The following USP37 variants were observed in gnomAD, a reference collection of about 807,000 sequenced individuals.
USP37 encodes ubiquitin carboxyl-terminal hydrolase 37.
Under a neutral mutation model 124.0 loss-of-function variants are expected in USP37, and 27 were observed. That is an observed-to-expected ratio of 0.22 (90% CI 0.16 to 0.30). USP37 has a LOEUF of 0.30. USP37 is among the 10% of genes least tolerant of loss of function. The probability of loss-of-function intolerance (pLI) is 1.00; values close to 1 mark genes in which losing one functional copy is unlikely to be tolerated. For synonymous variants in USP37, 365 were observed against 388.0 expected, an observed-to-expected ratio of 0.94 and a Z score of 0.70; for missense variants, 889 against 1,140.4, an observed-to-expected ratio of 0.78 and a Z score of 3.17.
rs149991259 is a variant in USP37, at chr2:218,461,771, C to T, written c.2527+1535G>A. ...CTCTAATCCTAGGACTTTGGGAGGC[C>T]GAGGCGGGTGGGTGAACTGCCTGAG... is the stretch of plus-strand genomic sequence containing the variant. On this transcript the variant is annotated intron_variant, in intron 22 of 25. Transcript: ENST00000258399. Among the ~76,000 whole-genome samples the T allele has an allele frequency of 4.0e-3, 604 of 151,992 alleles. 4 individuals carry two copies. The highest frequency in any genetic ancestry group is 0.013 in the African/African-American group (555 of 41,464).
chr2:218,541,741 T>C (rs1240604934), intron 8 of USP37, among the ~76,000 whole-genome samples: 1 of 152,078 alleles, frequency 6.6e-6, no homozygotes, highest in Non-Finnish European at 1.5e-5. Flanking sequence ...GAAGAATCCA[T>C]GACAAAATGG....
intron 23 of USP37, 91 bp downstream of exon 23, chr2:218,459,699 C>T: frequency 2.9e-6 from 3 of 1,040,358 alleles, no homozygotes; most frequent in Admixed American, 2.2e-5. Flanking sequence ...AATGAACCTG[C>T]AGTGGACACT....
At chr2:218,466,972 C>G (rs552020777) in intron 20 of USP37, among the ~76,000 whole-genome samples, 18 of 152,278 alleles carry the variant, frequency 1.2e-4, no homozygotes, top group African/African-American at 4.3e-4. Flanking sequence ...CTCTGGTGAT[C>G]TGCCCGCCTT....
intron 14 of USP37, among the ~76,000 whole-genome samples, chr2:218,490,225 C>CG (rs1315141914): frequency 1.3e-5 from 2 of 152,092 alleles, no homozygotes; most frequent in African/African-American, 2.4e-5. Context: ...GTGGCAGGCA[C>CG]CTGTAGTCCG....
At chr2:218,458,253 TAAAAA>T (rs33911503) in intron 23 of USP37, among the ~76,000 whole-genome samples, 2 of 70,948 alleles carry the variant, frequency 2.8e-5, no homozygotes, top group South Asian at 1.5e-3. Flanking sequence ...AGACCTTGCC[TAAAAA>T]AAAAAAAAAA....
At chr2:218,528,767 T>C (rs1258450309) in intron 10 of USP37, 2 of 405,830 alleles carry the variant, frequency 4.9e-6, no homozygotes, top group Non-Finnish European at 8.5e-6. Flanking sequence ...AACAAGTGCT[T>C]AGCAGGTATC....
Position 218,546,220 on chromosome 2 carries a change from C to T in USP37, c.680+1G>A. 4 of 1,610,270 alleles carry T rather than the reference C, an allele frequency of 2.5e-6. No homozygotes were observed. The highest frequency in any genetic ancestry group is 3.4e-6 in the Non-Finnish European group (4 of 1,177,958). Reference sequence around the variant, plus strand: ...CTATAAAGGCCCTTAAAGTAACTTACGATGATGAATCATTTTCCTTAGGGT... The same window carrying T: ...CTATAAAGGCCCTTAAAGTAACTTATGATGATGAATCATTTTCCTTAGGGT... On this transcript the variant is annotated splice_donor_variant, in intron 8 of 25. Coordinates refer to ENST00000258399, the MANE Select transcript of USP37 (RefSeq NM_020935.3). LOFTEE classifies it high-confidence loss of function.
At chr2:218,495,737 A>G (rs1260189152) in intron 14 of USP37, 23 bp downstream of exon 14, 1 of 1,573,470 alleles carries the variant, frequency 6.4e-7, no homozygotes, top group East Asian at 2.3e-5. Context: ...AAAAAGGGAA[A>G]TCATTTCTTA....
intron 24 of USP37, 47 bp downstream of exon 24, chr2:218,457,045 G>A (rs765266867): frequency 1.1e-5 from 17 of 1,566,856 alleles, no homozygotes; most frequent in Admixed American, 1.7e-5. Context: ...AAGAGCAAAT[G>A]CTGACTAGTT....
rs746114178 is a variant in USP37, at chr2:218,534,591, G to T, written c.778+18C>A. The T allele has an allele frequency of 1.3e-6, 2 of 1,505,620 alleles. No individual in the cohort carries two copies. The highest frequency in any genetic ancestry group is 1.4e-5 in the African/African-American group (1 of 71,702). 93.3% of individuals were successfully genotyped at this position (1,505,620 alleles called of 1,614,324 possible). On this transcript the variant is annotated intron_variant, in intron 9 of 25. Coordinates refer to ENST00000258399, the MANE Select transcript of USP37 (RefSeq NM_020935.3). Reference sequence around the variant, plus strand: ...ATAATAAATGAGCACCTTATTTATTGTAAGATCAAACACTTACCTGATGTC... The same window carrying T: ...ATAATAAATGAGCACCTTATTTATTTTAAGATCAAACACTTACCTGATGTC...
chr2:218,497,899 C>A, intron 12 of USP37, 42 bp from the exon 13 acceptor site: 2 of 1,595,954 alleles, frequency 1.3e-6, no homozygotes, highest in South Asian at 1.1e-5. Flanking sequence ...TTTTACATGA[C>A]ATGGCGTGAT....
intron 14 of USP37, among the ~76,000 whole-genome samples, chr2:218,494,614 T>C (rs916784108): frequency 6.6e-6 from 1 of 152,194 alleles, no homozygotes; most frequent in Non-Finnish European, 1.5e-5. Flanking sequence ...AAAGACTATG[T>C]GTGAGTCAAT....
intron 10 of USP37, chr2:218,528,241 T>C (rs1390562381): frequency 2.0e-5 from 3 of 152,202 alleles, no homozygotes; most frequent in African/African-American, 7.2e-5. Context: ...GGTCATTATA[T>C]AGCATGTATA....
intron 14 of USP37, among the ~76,000 whole-genome samples, chr2:218,495,317 T>C (rs1336568532): frequency 1.3e-5 from 2 of 152,158 alleles, no homozygotes; most frequent in African/African-American, 4.8e-5. Context: ...AATTTTTATA[T>C]ATTTTGTAGA....
chr2:218,463,573 TC>T (rs1285883581), intron 21 of USP37, among the ~76,000 whole-genome samples: 1 of 147,132 alleles, frequency 6.8e-6, no homozygotes, highest in Non-Finnish European at 1.5e-5. Flanking sequence ...TCTCGCTCTG[TC>T]CCCCAGGCTG....
chr2:218,562,139 T>C (rs1243033477), intron 2 of USP37, among the ~76,000 whole-genome samples: 1 of 152,252 alleles, frequency 6.6e-6, no homozygotes, highest in African/African-American at 2.4e-5. Context: ...TTGCACTAAA[T>C]GAATTGACAG....
intron 10 of USP37, among the ~76,000 whole-genome samples, chr2:218,510,874 A>G (rs1222922890): frequency 1.3e-5 from 2 of 152,086 alleles, no homozygotes; most frequent in African/African-American, 4.8e-5. Flanking sequence ...GAGGACCTGT[A>G]GTCACAGCTA....
intron 8 of USP37, among the ~76,000 whole-genome samples, chr2:218,542,463 T>C (rs546467276): frequency 1.3e-5 from 2 of 152,064 alleles, no homozygotes; most frequent in African/African-American, 4.8e-5. Context: ...AAAGTAACCC[T>C]ACATTTCTTA....
chr2:218,555,587 T>A, intron 4 of USP37, among the ~76,000 whole-genome samples: 1 of 152,154 alleles, frequency 6.6e-6, no homozygotes, highest in East Asian at 1.9e-4. Context: ...CAAAGCAAAG[T>A]TTGTTCATTA....
Sources: gnomAD v4.1 joint callset for allele counts (sites outside exome capture counted in the v4.1 genomes callset) on GRCh38, gnomAD v4.1.1 for gene constraint, MANE v1.5 for transcripts, NCBI Gene and HGNC (gene_info 2026-07-23, HGNC 2026-07-21) for gene names.